Variants in ARHGAP24 observed in about 807,000 individuals in gnomAD.
ARHGAP24 encodes rho GTPase-activating protein 24.
In ARHGAP24, 50 loss-of-function variants were observed where a neutral mutation model predicts 76.4. The observed-to-expected ratio is 0.65, with a 90% confidence interval of 0.52 to 0.83. ARHGAP24 has a LOEUF of 0.83. Ranked by LOEUF, ARHGAP24 falls within the 40% of genes least tolerant of loss-of-function variation. The pLI, the probability that ARHGAP24 is intolerant of heterozygous loss-of-function variation, is 0.00. For synonymous variants in ARHGAP24, 345 were observed against 323.3 expected (o/e 1.07, Z -0.72); for missense variants, 930 against 914.2 (o/e 1.02, Z -0.22).
intron 2 of ARHGAP24, among the ~76,000 whole-genome samples, chr4:85,674,928 C>A (rs1449872691): frequency 1.3e-5 from 2 of 152,132 alleles, no homozygotes; most frequent in Non-Finnish European, 1.5e-5. Flanking sequence ...GTACGTCTAG[C>A]CAATTAGAGT....
At chr4:85,926,855 T>A (rs1377920892) in intron 4 of ARHGAP24, among the ~76,000 whole-genome samples, 1 of 152,194 alleles carries the variant, frequency 6.6e-6, no homozygotes, top group Non-Finnish European at 1.5e-5. Context: ...AGAAAACCCA[T>A]GTGTTCCTCC....
intron 3 of ARHGAP24, among the ~76,000 whole-genome samples, chr4:85,788,813 C>T (rs2110092826): frequency 6.6e-6 from 1 of 152,262 alleles, no homozygotes; most frequent in East Asian, 1.9e-4. Context: ...TTCCCAAGTT[C>T]TTAAAGTACA....
At chr4:85,819,953 T>C (rs934936497) in intron 3 of ARHGAP24, among the ~76,000 whole-genome samples, 8 of 151,122 alleles carry the variant, frequency 5.3e-5, no homozygotes, top group Admixed American at 1.3e-4. Flanking sequence ...TCATGCTTCC[T>C]GTACGGCCTA....
chr4:85,685,375 G>C (rs980753242), intron 2 of ARHGAP24, among the ~76,000 whole-genome samples: 2 of 152,036 alleles, frequency 1.3e-5, no homozygotes, highest in Non-Finnish European at 2.9e-5. Context: ...GCTCACGCCT[G>C]TAATCCCAGC....
intron 2 of ARHGAP24, among the ~76,000 whole-genome samples, chr4:85,631,917 A>G (rs1721170907): frequency 6.6e-6 from 1 of 152,080 alleles, no homozygotes; most frequent in South Asian, 2.1e-4. Flanking sequence ...GCTATTCAAA[A>G]AATTTTTTCT....
intron 3 of ARHGAP24, among the ~76,000 whole-genome samples, chr4:85,902,496 A>G (rs1304557798): frequency 1.3e-5 from 2 of 152,066 alleles, no homozygotes; most frequent in Non-Finnish European, 2.9e-5. Flanking sequence ...TTAAGTGACC[A>G]CTCATATTTA....
chr4:85,772,104 A>G (rs1177653210), intron 3 of ARHGAP24, among the ~76,000 whole-genome samples: 2 of 152,210 alleles, frequency 1.3e-5, no homozygotes, highest in Admixed American at 6.5e-5. Context: ...ATTATTGACT[A>G]TTGAGCAATG....
intron 5 of ARHGAP24, among the ~76,000 whole-genome samples, chr4:85,963,326 T>A (rs1450770337): frequency 1.3e-5 from 2 of 152,094 alleles, no homozygotes; most frequent in Non-Finnish European, 2.9e-5. Flanking sequence ...TAAATTTGGA[T>A]ATAAGATTGA....
chr4:85,889,108 A>G (rs1251039050), intron 3 of ARHGAP24, among the ~76,000 whole-genome samples: 1 of 152,156 alleles, frequency 6.6e-6, no homozygotes, highest in Non-Finnish European at 1.5e-5. Context: ...TGTCTTTATA[A>G]AAGAATGATT....
intron 2 of ARHGAP24, among the ~76,000 whole-genome samples, chr4:85,636,368 C>G (rs1329032295): frequency 1.3e-5 from 2 of 151,888 alleles, no homozygotes; most frequent in African/African-American, 2.4e-5. Context: ...TATGGGTGTT[C>G]TAGTTGCAGA....
chr4:85,888,032 T>A (rs1238306331), intron 3 of ARHGAP24, among the ~76,000 whole-genome samples: 1 of 152,118 alleles, frequency 6.6e-6, no homozygotes. Flanking sequence ...TAAATCAATC[T>A]TACCTATGAC....
intron 4 of ARHGAP24, among the ~76,000 whole-genome samples, chr4:85,934,607 C>T (rs376718421): frequency 2.1e-4 from 32 of 152,238 alleles, no homozygotes; most frequent in African/African-American, 6.7e-4. Context: ...CTCCGCCTCC[C>T]GGGTTCAAGT....
intron 6 of ARHGAP24, among the ~76,000 whole-genome samples, chr4:85,973,116 T>C (rs1344119107): frequency 6.6e-6 from 1 of 152,186 alleles, no homozygotes; most frequent in African/African-American, 2.4e-5. Context: ...GACTCTGTTT[T>C]TCAAGAGGGC....
At chr4:85,500,828 T>C (rs1723775751) in intron 1 of ARHGAP24, among the ~76,000 whole-genome samples, 1 of 152,116 alleles carries the variant, frequency 6.6e-6, no homozygotes, top group Admixed American at 6.6e-5. Context: ...CCACTCGTCA[T>C]TTACATTAGG....
chr4:85,813,919 CA>C (rs1165959958), intron 3 of ARHGAP24, among the ~76,000 whole-genome samples: 9 of 150,132 alleles, frequency 6.0e-5, no homozygotes, highest in African/African-American at 2.2e-4. Flanking sequence ...ATTTACAAAA[CA>C]AAAAGGTTTA....
chr4:85,759,544 A>G (rs1726655610), intron 3 of ARHGAP24, among the ~76,000 whole-genome samples: 1 of 152,168 alleles, frequency 6.6e-6, no homozygotes, highest in Non-Finnish European at 1.5e-5. Context: ...GGTGGGTTGA[A>G]ACTTACTCAG....
chr4:85,873,783 G>A (rs1440165830), intron 3 of ARHGAP24, among the ~76,000 whole-genome samples: 1 of 152,138 alleles, frequency 6.6e-6, no homozygotes, highest in African/African-American at 2.4e-5. Context: ...CACTGAAGCT[G>A]ATGTCTGCTT....
intron 3 of ARHGAP24, among the ~76,000 whole-genome samples, chr4:85,850,075 T>A (rs1018743066): frequency 2.6e-5 from 4 of 152,186 alleles, no homozygotes; most frequent in African/African-American, 9.6e-5. Flanking sequence ...ATCAATCTGG[T>A]CCTGGACTTT....
chr4:85,774,617 G>A (rs1560626119), intron 3 of ARHGAP24, among the ~76,000 whole-genome samples: 1 of 152,154 alleles, frequency 6.6e-6, no homozygotes, highest in African/African-American at 2.4e-5. Flanking sequence ...TATATCCACA[G>A]ACGATATTCT....
Sources: allele counts gnomAD v4.1 joint callset (sites outside exome capture counted in the v4.1 genomes callset), GRCh38; gene constraint gnomAD v4.1.1; transcripts MANE v1.5; gene names NCBI Gene and HGNC (gene_info 2026-07-23, HGNC 2026-07-21).